The following SYTL3 variants were observed in gnomAD, a reference collection of about 807,000 sequenced individuals.
The protein encoded by SYTL3 is synaptotagmin-like protein 3.
Under a neutral mutation model 82.1 loss-of-function variants are expected in SYTL3, and 88 were observed. The ratio of observed to expected loss-of-function variants is 1.07; its 90% CI spans 0.90 to 1.28. The LOEUF is 1.28. SYTL3 is among the 50% of genes most tolerant of loss of function. The pLI is 0.00. For missense variants in SYTL3, 831 were observed against 757.6 expected (o/e 1.10, Z -1.14); for synonymous variants, 311 against 289.4 (o/e 1.07, Z -0.76).
chr6:158,684,826 A>C (rs1293602875), intron 6 of SYTL3, among the ~76,000 whole-genome samples: 2 of 151,644 alleles, frequency 1.3e-5, no homozygotes, highest in African/African-American at 2.4e-5. Flanking sequence ...AAAAAAAAAA[A>C]ACGCTGCTTC....
At chr6:158,663,908 G>A (rs920682550) in intron 4 of SYTL3, among the ~76,000 whole-genome samples, 1 of 152,056 alleles carries the variant, frequency 6.6e-6, no homozygotes, top group Admixed American at 6.6e-5. Context: ...AACCTGCTTA[G>A]CCTGTTTCCT....
At position 158,725,955 on chromosome 6, in the gene SYTL3, G is replaced by A. The variant is rs553674346; in HGVS notation, c.855+318G>A. ...GCGTAAACAGATAGGGCAGGAGGGC[G>A]CCGGTCAGCTTCTTCCAAGTGGTTG... is the stretch of plus-strand genomic sequence containing the variant. On this transcript the variant is annotated intron_variant, in intron 11 of 17. Coordinates refer to ENST00000611299, the MANE Select transcript of SYTL3 (RefSeq NM_001242394.2). 8.9e-4 allele frequency: 597 copies of A among 670,886 alleles called. 4 individuals carry two copies. Among genetic ancestry groups the A allele is most frequent in the Non-Finnish European group, 1.9e-4 (67 of 352,310 alleles). 41.6% of individuals were successfully genotyped at this position (670,886 alleles called of 1,614,324 possible). A position where few individuals can be genotyped will look rare whatever the true frequency, so the allele number is the denominator to read the frequency against.
chr6:158,751,581 T>C (rs1298473339), intron 12 of SYTL3, among the ~76,000 whole-genome samples: 1 of 152,168 alleles, frequency 6.6e-6, no homozygotes, highest in Non-Finnish European at 1.5e-5. Context: ...GGGACGGGAA[T>C]CCGGCTCATG....
chr6:158,746,322 T>G (rs896624810), intron 12 of SYTL3, among the ~76,000 whole-genome samples: 9 of 151,826 alleles, frequency 5.9e-5, no homozygotes, highest in African/African-American at 2.2e-4. Flanking sequence ...CAATAAATGA[T>G]GTTGAAAAAT....
chr6:158,726,042 T>C (rs146014534), intron 11 of SYTL3: 101 of 580,788 alleles, frequency 1.7e-4, no homozygotes, highest in African/African-American at 1.6e-3. Context: ...TCCAATCTCA[T>C]GTGTTAAAAT....
intron 10 of SYTL3, among the ~76,000 whole-genome samples, chr6:158,722,236 T>C (rs1020697000): frequency 1.3e-5 from 2 of 152,006 alleles, no homozygotes; most frequent in African/African-American, 2.4e-5. Context: ...ACACAGCTCA[T>C]TGTAGCTTCT....
At chr6:158,727,701 T>TTTTTTTTTTTTTA (rs1784911416) in intron 11 of SYTL3, among the ~76,000 whole-genome samples, 1 of 148,260 alleles carries the variant, frequency 6.7e-6, no homozygotes, top group Non-Finnish European at 1.5e-5. Context: ...TTTTTTTTTT[T>TTTTTTTTTTTTTA]GAGATGAAGT....
At chr6:158,697,328 T>C (rs902216129) in intron 6 of SYTL3, among the ~76,000 whole-genome samples, 1 of 148,050 alleles carries the variant, frequency 6.8e-6, no homozygotes, top group Admixed American at 6.7e-5. Flanking sequence ...TCCACGCCTG[T>C]GGTCCCAGCT....
chr6:158,671,747 A>AAAAAG (rs1554243607), intron 5 of SYTL3, among the ~76,000 whole-genome samples: 1 of 149,158 alleles, frequency 6.7e-6, no homozygotes, highest in East Asian at 2.0e-4. Flanking sequence ...AAAAAAAAAA[A>AAAAAG]AAGATAATTA....
At chr6:158,747,848 C>T (rs1787868139) in intron 12 of SYTL3, among the ~76,000 whole-genome samples, 1 of 151,982 alleles carries the variant, frequency 6.6e-6, no homozygotes, top group South Asian at 2.1e-4. Context: ...TTTGTTAAAC[C>T]TAATTTAAAT....
chr6:158,662,325 A>G (rs929259199), intron 3 of SYTL3, among the ~76,000 whole-genome samples: 1 of 152,262 alleles, frequency 6.6e-6, no homozygotes, highest in Non-Finnish European at 1.5e-5. Flanking sequence ...TGCATAAGGC[A>G]GCTCATGAAA....
At chr6:158,668,945 A>G (rs1286105295) in intron 5 of SYTL3, among the ~76,000 whole-genome samples, 1 of 152,100 alleles carries the variant, frequency 6.6e-6, no homozygotes, top group Non-Finnish European at 1.5e-5. Flanking sequence ...GAACCAAGGA[A>G]AGTTGTTTTC....
chr6:158,726,631 A>G (rs987623085), intron 11 of SYTL3: 9 of 249,330 alleles, frequency 3.6e-5, no homozygotes, highest in Admixed American at 2.9e-4. Flanking sequence ...GTGATCTAAT[A>G]TGATTGGGAA....
At chr6:158,749,298 TG>T (rs1301192078) in intron 12 of SYTL3, among the ~76,000 whole-genome samples, 85 of 134,984 alleles carry the variant, frequency 6.3e-4, no homozygotes, top group African/African-American at 2.4e-3. Context: ...GAGGCTGAGG[TG>T]GGAGAATCAC....
At chr6:158,737,731 C>G (rs1386673046) in intron 11 of SYTL3, among the ~76,000 whole-genome samples, 1 of 152,242 alleles carries the variant, frequency 6.6e-6, no homozygotes, top group Non-Finnish European at 1.5e-5. Flanking sequence ...GGAGCCCTGC[C>G]AGGGCGATGG....
At chr6:158,708,866 G>A (rs942652186) in intron 8 of SYTL3, among the ~76,000 whole-genome samples, 3 of 152,184 alleles carry the variant, frequency 2.0e-5, no homozygotes, top group African/African-American at 7.2e-5. Context: ...CCACCTGAGA[G>A]GTGGAAATAA....
At chr6:158,655,463 C>G (rs545607912) in intron 2 of SYTL3, among the ~76,000 whole-genome samples, 1 of 152,332 alleles carries the variant, frequency 6.6e-6, no homozygotes, top group South Asian at 2.1e-4. Flanking sequence ...GGCAAACACT[C>G]AAGACAGAAT....
chr6:158,755,547 G>C (rs1457769371), intron 13 of SYTL3, among the ~76,000 whole-genome samples: 2 of 152,188 alleles, frequency 1.3e-5, no homozygotes, highest in African/African-American at 4.8e-5. Flanking sequence ...CAGAAGTGTG[G>C]ACAGAGCCTA....
chr6:158,654,730 G>T (rs1050568966), intron 2 of SYTL3, among the ~76,000 whole-genome samples: 1 of 152,188 alleles, frequency 6.6e-6, no homozygotes, highest in Non-Finnish European at 1.5e-5. Context: ...GAAGCAGCTG[G>T]CCTGAGAGCA....
Sources: gnomAD v4.1 joint callset for allele counts (sites outside exome capture counted in the v4.1 genomes callset) on GRCh38, gnomAD v4.1.1 for gene constraint, MANE v1.5 for transcripts, NCBI Gene and HGNC (gene_info 2026-07-23, HGNC 2026-07-21) for gene names.